Variants in IL12RB2 observed in about 807,000 individuals in gnomAD.
IL12RB2 encodes the protein interleukin 12 receptor subunit beta 2, also known as interleukin-12 receptor subunit beta-2.
Under a neutral mutation model 89.4 loss-of-function variants are expected in IL12RB2, and 82 were observed. The ratio of observed to expected loss-of-function variants is 0.92; its 90% CI spans 0.77 to 1.10. IL12RB2 has a LOEUF of 1.10. Among genes scored for constraint, IL12RB2 ranks in the 50% least tolerant of loss-of-function variants. The probability of loss-of-function intolerance (pLI) is 0.00; values close to 1 mark genes in which losing one functional copy is unlikely to be tolerated. For missense variants in IL12RB2, 963 were observed against 1,031.9 expected (o/e 0.93, Z 0.92); for synonymous variants, 368 against 370.1 (o/e 0.99, Z 0.07).
At chr1:67,327,152 G>T (rs535522923) in intron 5 of IL12RB2, among the ~76,000 whole-genome samples, 8 of 151,692 alleles carry the variant, frequency 5.3e-5, no homozygotes. Flanking sequence ...GCAGAGACGG[G>T]GTTTCACCAT....
chr1:67,328,867 C>T (rs1441451052), intron 6 of IL12RB2, among the ~76,000 whole-genome samples: 2 of 152,208 alleles, frequency 1.3e-5, no homozygotes, highest in East Asian at 3.8e-4. Context: ...GAATACTCAC[C>T]TCCATCCCTG....
intron 13 of IL12RB2, among the ~76,000 whole-genome samples, chr1:67,378,051 A>G (rs1291846043): frequency 1.3e-5 from 2 of 152,162 alleles, no homozygotes; most frequent in African/African-American, 4.8e-5. Flanking sequence ...GCTTGAACTC[A>G]GGTTGCAGTG....
intron 10 of IL12RB2, among the ~76,000 whole-genome samples, chr1:67,352,082 C>G (rs983533756): frequency 6.6e-6 from 1 of 152,032 alleles, no homozygotes; most frequent in African/African-American, 2.4e-5. Context: ...GGTTATATAT[C>G]TTTTCAGTCA....
chr1:67,374,493 T>C (rs75004224), intron 13 of IL12RB2, among the ~76,000 whole-genome samples: 1 of 151,178 alleles, frequency 6.6e-6, no homozygotes, highest in Non-Finnish European at 1.5e-5. Flanking sequence ...TTTTTTTTTT[T>C]CATACGGAGT....
At chr1:67,338,426 T>C (rs1490054459) in intron 8 of IL12RB2, among the ~76,000 whole-genome samples, 198 bp from the exon 9 acceptor site, 1 of 144,380 alleles carries the variant, frequency 6.9e-6, no homozygotes, top group African/African-American at 2.5e-5. Context: ...GTTTTTAAGG[T>C]AACCTTGTTT....
chr1:67,333,660 G>A, intron 8 of IL12RB2, among the ~76,000 whole-genome samples: 1 of 152,170 alleles, frequency 6.6e-6, no homozygotes, highest in East Asian at 1.9e-4. Context: ...CTACTTTGCT[G>A]TGTTTAAGAG....
At chr1:67,337,912 A>G (rs1199129591) in intron 8 of IL12RB2, among the ~76,000 whole-genome samples, 2 of 128,786 alleles carry the variant, frequency 1.6e-5, no homozygotes, top group African/African-American at 2.7e-5. Context: ...AAAAAAAAAA[A>G]AAAAAGAAAA....
intron 5 of IL12RB2, among the ~76,000 whole-genome samples, chr1:67,327,886 G>A (rs1409138052): frequency 2.0e-5 from 3 of 152,230 alleles, no homozygotes; most frequent in Admixed American, 2.0e-4. Flanking sequence ...ACAGTGCTTA[G>A]GATAATGTTT....
At chr1:67,395,512 A>C (rs1402806606) in intron 16 of IL12RB2, 35 bp from the exon 17 acceptor site, 1 of 1,614,042 alleles carries the variant, frequency 6.2e-7, no homozygotes, top group Non-Finnish European at 8.5e-7. Flanking sequence ...TCACTTCTAC[A>C]GCAGTGTGAG....
chr1:67,360,869 G>A (rs887752919), intron 10 of IL12RB2, among the ~76,000 whole-genome samples: 1 of 152,030 alleles, frequency 6.6e-6, no homozygotes, highest in African/African-American at 2.4e-5. Flanking sequence ...GTTTTAATAG[G>A]GCTGAACTAT....
chr1:67,376,704 G>GTGTA (rs1195311831), intron 13 of IL12RB2, among the ~76,000 whole-genome samples: 2 of 18,546 alleles, frequency 1.1e-4, no homozygotes, highest in Admixed American at 1.3e-3. Flanking sequence ...ATATGTGTGC[G>GTGTA]TGTGTGTGTG....
chr1:67,355,650 C>A (rs540745880), intron 10 of IL12RB2, among the ~76,000 whole-genome samples: 7 of 152,270 alleles, frequency 4.6e-5, no homozygotes, highest in African/African-American at 1.7e-4. Flanking sequence ...GGCAGAGCTA[C>A]ATGGAAAACC....
chr1:67,363,336 C>T (rs1444594789), intron 10 of IL12RB2, among the ~76,000 whole-genome samples: 1 of 151,380 alleles, frequency 6.6e-6, no homozygotes, highest in African/African-American at 2.4e-5. Context: ...CCTGCCTCAG[C>T]CTCCCTAGTA....
At chr1:67,381,415 ACT>A (rs1275210775) in intron 14 of IL12RB2, among the ~76,000 whole-genome samples, 1 of 152,018 alleles carries the variant, frequency 6.6e-6, no homozygotes, top group East Asian at 1.9e-4. Context: ...ATGCCAGGAA[ACT>A]CTCCACTGGG....
intron 1 of IL12RB2, among the ~76,000 whole-genome samples, chr1:67,311,448 G>A (rs748222588): frequency 8.5e-5 from 13 of 152,172 alleles, no homozygotes; most frequent in Non-Finnish European, 1.6e-4. Flanking sequence ...GGATTTATGT[G>A]TGGTTTTTCT....
chr1:67,345,299 A>T (rs1660093663), intron 9 of IL12RB2, among the ~76,000 whole-genome samples: 1 of 152,246 alleles, frequency 6.6e-6, no homozygotes, highest in South Asian at 2.1e-4. Context: ...GGAAAGAACG[A>T]GAAGATAGCA....
chr1:67,386,194 G>A (rs1226261293), intron 14 of IL12RB2, among the ~76,000 whole-genome samples: 1 of 117,120 alleles, frequency 8.5e-6, no homozygotes, highest in Non-Finnish European at 1.7e-5. Flanking sequence ...GGGAGACACA[G>A]TGAGACTCCA....
intron 9 of IL12RB2, among the ~76,000 whole-genome samples, chr1:67,339,255 G>A (rs1659238745): frequency 6.6e-6 from 1 of 152,190 alleles, no homozygotes; most frequent in East Asian, 1.9e-4. Flanking sequence ...GGGAGGCCAA[G>A]GCAGGCGGAT....
At chr1:67,334,640 C>T (rs1558311560) in intron 8 of IL12RB2, among the ~76,000 whole-genome samples, 3 of 151,938 alleles carry the variant, frequency 2.0e-5, no homozygotes, top group South Asian at 2.1e-4. Context: ...CCACCACGCC[C>T]GGCTAATTTT....
Sources: allele counts gnomAD v4.1 joint callset (sites outside exome capture counted in the v4.1 genomes callset), GRCh38; gene constraint gnomAD v4.1.1; transcripts MANE v1.5; gene names NCBI Gene and HGNC (gene_info 2026-07-23, HGNC 2026-07-21).